MKS1: variants seen among roughly 807,000 people sequenced by gnomAD.
MKS1 encodes the protein tectonic-like complex member MKS1.
A neutral mutation model predicts 83.7 loss-of-function variants in MKS1; 70 were observed. The ratio of observed to expected loss-of-function variants is 0.84; its 90% CI spans 0.69 to 1.02. The LOEUF is 1.02. Ranked by LOEUF, MKS1 falls within the 50% of genes least tolerant of loss-of-function variation. The pLI, the probability that MKS1 is intolerant of heterozygous loss-of-function variation, is 0.00. For synonymous variants in MKS1, 251 were observed against 273.4 expected (o/e 0.92, Z 0.81); for missense variants, 681 against 726.9 (o/e 0.94, Z 0.73).
intron 6 of MKS1, 105 bp from the exon 7 acceptor site, chr17:58,213,974 C>T: frequency 9.3e-6 from 10 of 1,079,576 alleles, no homozygotes. Context: ...ATAGGGAGAG[C>T]TGTCATGGTA....
At chr17:58,213,743 A>G (rs755658287) in intron 7 of MKS1, 22 bp downstream of exon 7, 256 of 1,564,974 alleles carry the variant, frequency 1.6e-4, no homozygotes, top group Non-Finnish European at 2.1e-4. Context: ...AGTCTCCACT[A>G]CCCCTTTCTT....
At chr17:58,218,785 C>G in intron 1 of MKS1, 56 bp from the exon 2 acceptor site, 1 of 1,447,992 alleles carries the variant, frequency 6.9e-7, no homozygotes, top group Non-Finnish European at 9.7e-7. Context: ...GAGATGAACA[C>G]AAAGCAAGGA....
In MKS1 at chr17:58,216,646, G is replaced by T. The variant is rs370117635; in HGVS notation, c.261+20C>A. 35 of 1,612,776 alleles carry T rather than the reference G, an allele frequency of 2.2e-5. No individual in the cohort carries two copies. The highest frequency in any genetic ancestry group is 2.9e-5 in the Non-Finnish European group (34 of 1,178,900). ...TAGACCAGATGGAATAGACAGAGAAGACAAGAGACACTGGCTCACCTGGCT... is the reference window on the plus strand; with the variant it reads ...TAGACCAGATGGAATAGACAGAGAATACAAGAGACACTGGCTCACCTGGCT... On this transcript the variant is annotated intron_variant, in intron 3 of 17. Transcript: ENST00000393119.
chr17:58,214,167 C>G, intron 6 of MKS1, 92 bp downstream of exon 6: 1 of 1,590,978 alleles, frequency 6.3e-7, no homozygotes, highest in Non-Finnish European at 8.6e-7. Flanking sequence ...CCTCCCTCCC[C>G]TATAACCTAG....
chr17:58,218,675 G>A lies in MKS1; in HGVS notation c.135C>T (p.Ala45=). The change falls in exon 2 of 18, where the codon GCC becomes GCT. Residue 45 remains alanine (A), a synonymous_variant. Transcript: ENST00000393119. Reference sequence around the variant, plus strand: ...AGTCTATGAGGTCCTTCCCGAGCTCGGCAGCAGGCTGATAATGAAGAAAGT... The same window carrying A: ...AGTCTATGAGGTCCTTCCCGAGCTCAGCAGCAGGCTGATAATGAAGAAAGT... The part of the protein sequence containing the change: ...SSNFLHYQPA[A]ELGKDLIDLA... 6.2e-7 allele frequency: 1 copy of A among 1,613,932 alleles called. No individual in the cohort carries two copies.
At chr17:58,216,830 T>A in intron 2 of MKS1, 94 bp from the exon 3 acceptor site, 1 of 1,329,666 alleles carries the variant, frequency 7.5e-7, no homozygotes, top group South Asian at 1.2e-5. Flanking sequence ...TATTCTTATA[T>A]TTGCCACAAA....
intron 13 of MKS1, 45 bp from the exon 14 acceptor site, chr17:58,208,046 C>T (rs766116551): frequency 2.5e-6 from 4 of 1,608,440 alleles, no homozygotes; most frequent in Non-Finnish European, 3.4e-6. Context: ...CGGCCTTCAC[C>T]AAGAGACAGC....
rs537082082 is a variant in MKS1 at position 58,217,635 on chromosome 17, C to T, written c.191-899G>A. ...ACCAGCCTGGACAACATAGCAAGAC[C>T]TTTTCTCTACTAAAACTTTAAAAAA... On this transcript the variant is annotated intron_variant, in intron 2 of 17. Coordinates refer to ENST00000393119, the MANE Select transcript of MKS1 (RefSeq NM_017777.4). Among the ~76,000 whole-genome samples the T allele has an allele frequency of 1.1e-4, 17 of 152,108 alleles. No homozygotes were observed. In the South Asian group the frequency reaches 3.5e-3, roughly 32 times the overall value.
chr17:58,216,192 A>G lies in MKS1; in HGVS notation c.313T>C (p.Tyr105His), dbSNP rs778921113. ...TTCAGGATCTCCTGACGGTACTGAT[A>G]ATCCAAAGGACTCTGACAGGCTGTT... ...NETACQSPLD[Y>H]QYRQEILKLE... Residue 105 changes from tyrosine to histidine, a missense_variant, in exon 4 of 18, where the codon TAT becomes CAT. This residue lies in a region of MKS1 where 365 missense variants were observed against 383.8 expected (regional missense o/e 0.95). Transcript: ENST00000393119. 1.9e-6 allele frequency: 3 copies of G among 1,614,070 alleles called. No individual in the cohort carries two copies. The highest frequency in any genetic ancestry group is 2.5e-6 in the Non-Finnish European group (3 of 1,180,008).
chr17:58,217,199 G>A (rs1028623172), intron 2 of MKS1, among the ~76,000 whole-genome samples: 1 of 152,226 alleles, frequency 6.6e-6, no homozygotes, highest in African/African-American at 2.4e-5. Flanking sequence ...ATGTTAGCCA[G>A]GCTGATCTTG....
In MKS1 at chr17:58,205,624, A is replaced by G; in HGVS notation, c.*455T>C. On this transcript the variant is annotated 3_prime_UTR_variant, in exon 18 of 18. Coordinates refer to ENST00000393119, the MANE Select transcript of MKS1 (RefSeq NM_017777.4). Reference sequence around the variant, plus strand: ...AGTAGAATGAGGCTTCCCTGGAAAGAGGCTGAGACTCACAGGCTGGGGATT... The same window carrying G: ...AGTAGAATGAGGCTTCCCTGGAAAGGGGCTGAGACTCACAGGCTGGGGATT... The G allele has an allele frequency of 1.5e-6, 2 of 1,306,700 alleles. No homozygotes were observed. The highest frequency in any genetic ancestry group is 2.0e-6 in the Non-Finnish European group (2 of 990,648). The allele number at this position is 1,306,700 out of a possible 1,614,324, so 80.9% of individuals were successfully genotyped here.
In MKS1 at chr17:58,206,452, C is replaced by T. The variant is rs1261119858; in HGVS notation, c.1490+13G>A. 9 of 1,614,152 alleles carry T rather than the reference C, an allele frequency of 5.6e-6. No individual in the cohort carries two copies. The highest frequency in any genetic ancestry group is 2.2e-5 in the East Asian group (1 of 44,868). ...GGCTAAGGTGCCCTGAGGCAGAGGG[C>T]CAAGTCACTCACCTGGACTGCTGCA... On this transcript the variant is annotated intron_variant, in intron 16 of 17. Transcript: ENST00000393119.
chr17:58,219,220 G>A lies in MKS1; in HGVS notation c.11C>T (p.Thr4Ile). MAE[T>I]VWSTDTGEAV... ...CTCCCCGGTGTCAGTGCTCCAGACG[G>A]TCTCCGCCATGACAGCTGCGACGCG... Residue 4 changes from threonine to isoleucine, a missense_variant, in exon 1 of 18, where the codon ACC becomes ATC. By Grantham distance (89) the Thr-to-Ile change is moderately conservative (BLOSUM62 -1). Transcript: ENST00000393119. 6.4e-7 allele frequency: 1 copy of A among 1,550,934 alleles called. No individual in the cohort carries two copies. The highest frequency in any genetic ancestry group is 8.7e-7 in the Non-Finnish European group (1 of 1,146,952).
chr17:58,211,129 C>T, intron 9 of MKS1, 107 bp from the exon 10 acceptor site: 1 of 1,077,900 alleles, frequency 9.3e-7, no homozygotes, highest in South Asian at 1.3e-5. Flanking sequence ...AGGGGTCAGG[C>T]CCTGGGTGTC....
At chr17:58,216,632 G>C (rs757490819) in intron 3 of MKS1, 34 bp downstream of exon 3, 11 of 1,606,500 alleles carry the variant, frequency 6.8e-6, no homozygotes, top group Non-Finnish European at 5.1e-6. Context: ...AGACCAGATG[G>C]AATAGACAGA....
At position 58,213,086 on chromosome 17, in the gene MKS1, C is replaced by T. The variant is rs1326729220; in HGVS notation, c.754G>A (p.Glu252Lys). The change falls in exon 8 of 18, where the codon GAG (glutamate) becomes AAG (lysine). Residue 252 changes from glutamate (E) to lysine (K), a missense_variant. Physicochemically the swap from Glu to Lys is moderately conservative, Grantham distance 56. Around this residue, in one of 3 missense-constraint regions of MKS1, gnomAD observed 365 missense variants for 383.8 expected, o/e 0.95. Coordinates refer to ENST00000393119, the MANE Select transcript of MKS1 (RefSeq NM_017777.4). ...FTGLKGPYRIETEGEKQELWK... is the reference protein window; with the variant it reads ...FTGLKGPYRIKTEGEKQELWK... Reference sequence around the variant, plus strand: ...AGCTCCTGCTTCTCCCCCTCCGTCTCAATCCTGTAAGGTCAAAACCACAGA... The same window carrying T: ...AGCTCCTGCTTCTCCCCCTCCGTCTTAATCCTGTAAGGTCAAAACCACAGA... 6.2e-7 allele frequency: 1 copy of T among 1,614,136 alleles called. No homozygotes were observed. The highest frequency in any genetic ancestry group is 2.2e-5 in the East Asian group (1 of 44,884).
chr17:58,208,152 TAGG>T lies in MKS1; in HGVS notation c.1115_1117del (p.Ser372del), dbSNP rs754279998. ...GAAGAAGGCTTCAAACGTGAATGGG[TAGG>T]AGAAGTGAGCCACCTTGTCCTATAA... is the stretch of plus-strand genomic sequence containing the variant. On this transcript the variant is annotated inframe_deletion, in exon 13 of 18. Coordinates refer to ENST00000393119, the MANE Select transcript of MKS1 (RefSeq NM_017777.4). The T allele has an allele frequency of 2.2e-5, 35 of 1,613,288 alleles. No individual in the cohort carries two copies. The highest frequency in any genetic ancestry group is 2.3e-5 in the Non-Finnish European group (27 of 1,179,472).
chr17:58,208,193 T>G lies in MKS1; in HGVS notation c.1096-19A>C, dbSNP rs372886368. On this transcript the variant is annotated intron_variant, in intron 12 of 17. Transcript: ENST00000393119. ...CCTTGTCCTATAAAAAGGAGTGTCA[T>G]AGGGTGGGCAAGGCCTCCCTTGGAA... 1.9e-6 allele frequency: 3 copies of G among 1,597,692 alleles called. No homozygotes were observed.
intron 2 of MKS1, 157 bp downstream of exon 2, chr17:58,218,447 CAAAAAAAAAAAAAAAA>C (rs67834721): frequency 0.03 from 7,104 of 239,248 alleles, 2 homozygotes; most frequent in South Asian, 0.044. Context: ...GACTCCGTCT[CAAAAAAAAAAAAAAAA>C]AAAAAAAAAA....
Sources: allele counts gnomAD v4.1 joint callset (sites outside exome capture counted in the v4.1 genomes callset), GRCh38; gene constraint gnomAD v4.1.1; regional missense constraint gnomAD v4.1.1; transcripts MANE v1.5; gene names NCBI Gene and HGNC (gene_info 2026-07-23, HGNC 2026-07-21).